TTC7A: variants seen among roughly 807,000 people sequenced by gnomAD.
TTC7A encodes tetratricopeptide repeat protein 7A.
Under a neutral mutation model 103.7 loss-of-function variants are expected in TTC7A, and 110 were observed. The ratio of observed to expected loss-of-function variants is 1.06; its 90% CI spans 0.91 to 1.24. The LOEUF (loss-of-function observed/expected upper bound fraction) is 1.24. TTC7A is among the 50% of genes most tolerant of loss of function. The pLI is 0.00. For missense variants in TTC7A, 1,340 were observed against 1,116.3 expected (o/e 1.20, Z -2.86); for synonymous variants, 521 against 467.9 (o/e 1.11, Z -1.47).
At chr2:46,988,230 G>A (rs1314944248) in intron 5 of TTC7A, among the ~76,000 whole-genome samples, 1 of 152,150 alleles carries the variant, frequency 6.6e-6, no homozygotes, top group Non-Finnish European at 1.5e-5. Flanking sequence ...AAGGAGCCCG[G>A]CACCTGGATG....
chr2:46,971,272 G>A (rs890249023), intron 3 of TTC7A, among the ~76,000 whole-genome samples: 1 of 152,254 alleles, frequency 6.6e-6, no homozygotes, highest in African/African-American at 2.4e-5. Flanking sequence ...GGTTATACCA[G>A]GGAATATCGG....
intron 19 of TTC7A, among the ~76,000 whole-genome samples, chr2:47,061,317 G>T (rs369283582): frequency 1.6e-4 from 24 of 152,286 alleles, no homozygotes; most frequent in African/African-American, 5.3e-4. Context: ...TCAGACCCTT[G>T]CCCTGAAGGC....
At chr2:47,060,650 T>A in intron 18 of TTC7A, 119 bp from the exon 19 acceptor site, 1 of 879,416 alleles carries the variant, frequency 1.1e-6, no homozygotes, top group African/African-American at 1.7e-5. Context: ...TGCTGTGATT[T>A]GGTGGGATAG....
intron 19 of TTC7A, among the ~76,000 whole-genome samples, chr2:47,062,208 A>G (rs760506451): frequency 6.6e-6 from 1 of 152,236 alleles, no homozygotes; most frequent in African/African-American, 2.4e-5. Context: ...AGAGAATGCA[A>G]CGTCATGGGG....
chr2:47,019,388 C>CA (rs2104532957), intron 11 of TTC7A, among the ~76,000 whole-genome samples: 1 of 151,890 alleles, frequency 6.6e-6, no homozygotes, highest in South Asian at 2.1e-4. Flanking sequence ...AAAAAAAACA[C>CA]ACACAAAAAG....
chr2:46,958,688 C>A (rs1377989591), intron 3 of TTC7A: 5 of 510,304 alleles, frequency 9.8e-6, no homozygotes, highest in African/African-American at 4.1e-5. Flanking sequence ...GCTGCAGTGA[C>A]CACGCCTGCT....
chr2:47,066,223 C>T (rs72875111), intron 19 of TTC7A: 1 of 152,272 alleles, frequency 6.6e-6, no homozygotes, highest in African/African-American at 2.4e-5. Context: ...TTGGTTCCCT[C>T]TTGCTGCCAG....
intron 18 of TTC7A, among the ~76,000 whole-genome samples, chr2:47,053,714 G>A (rs1683091231): frequency 6.6e-6 from 1 of 152,156 alleles, no homozygotes; most frequent in African/African-American, 2.4e-5. Flanking sequence ...TGGGACTACA[G>A]GTGTGTGCCA....
intron 18 of TTC7A, among the ~76,000 whole-genome samples, chr2:47,060,184 G>A (rs577814293): frequency 1.3e-5 from 2 of 151,800 alleles, no homozygotes; most frequent in East Asian, 3.9e-4. Context: ...CCAGGAGTTC[G>A]AGACCAGCCT....
chr2:47,030,038 C>CTT (rs34984788), intron 15 of TTC7A, among the ~76,000 whole-genome samples: 68,823 of 151,960 alleles, frequency 0.45, 16,975 homozygotes, highest in East Asian at 0.68. Context: ...TAGGGGGAGT[C>CTT]TTGATTTCTG....
At chr2:47,037,764 G>A (rs1681270037) in intron 15 of TTC7A, among the ~76,000 whole-genome samples, 1 of 152,180 alleles carries the variant, frequency 6.6e-6, no homozygotes, top group Non-Finnish European at 1.5e-5. Context: ...TACAGATGAG[G>A]AAACAGAGGC....
At chr2:46,982,181 T>A (rs567597771) in intron 5 of TTC7A, among the ~76,000 whole-genome samples, 1 of 152,230 alleles carries the variant, frequency 6.6e-6, no homozygotes, top group South Asian at 2.1e-4. Context: ...GAGGCCAGCC[T>A]GGGCAACATA....
intron 18 of TTC7A, among the ~76,000 whole-genome samples, chr2:47,053,548 TTGGTTGGTTGGTTGG>T (rs1683068802): frequency 2.1e-5 from 3 of 143,394 alleles, no homozygotes; most frequent in African/African-American, 5.8e-5. Flanking sequence ...GTTTGTTTGG[TTGGTTGGTTGGTTGG>T]TTGGTTGGTT....
At chr2:46,916,834 C>T (rs1181327032) in intron 1 of TTC7A, among the ~76,000 whole-genome samples, 1 of 151,972 alleles carries the variant, frequency 6.6e-6, no homozygotes. Context: ...GGGGTTTCAC[C>T]GTGTTGGCCA....
In TTC7A at chr2:46,999,678, G is replaced by T. The variant is rs946938955; in HGVS notation, c.1065+4479G>T. ...CAAACGTAAATTCTTGTTTTTGAAA[G>T]AACCGTGTATCAAACCAGCCTGATT... On this transcript the variant is annotated intron_variant, in intron 8 of 19. Coordinates refer to ENST00000319190, the MANE Select transcript of TTC7A (RefSeq NM_020458.4). 7.1e-6 allele frequency: 7 copies of T among 985,456 alleles called. No individual in the cohort carries two copies. The African/African-American group carries it at 1.2e-4, about 17-fold the overall frequency. 61.0% of individuals were successfully genotyped at this position (985,456 alleles called of 1,614,324 possible). A position where few individuals can be genotyped will look rare whatever the true frequency, so the allele number is the denominator to read the frequency against.
At chr2:46,952,457 A>T (rs193091703) in intron 2 of TTC7A, among the ~76,000 whole-genome samples, 1 of 152,360 alleles carries the variant, frequency 6.6e-6, no homozygotes, top group Admixed American at 6.5e-5. Flanking sequence ...AATTTGAGTG[A>T]TAAATAAAAG....
chr2:47,056,491 C>T (rs939353629), intron 18 of TTC7A, among the ~76,000 whole-genome samples: 2 of 152,190 alleles, frequency 1.3e-5, no homozygotes, highest in African/African-American at 4.8e-5. Flanking sequence ...GGCCAGCCTG[C>T]GGGCAAGGCC....
chr2:47,011,230 G>A, intron 10 of TTC7A, 101 bp from the exon 11 acceptor site: 2 of 1,101,414 alleles, frequency 1.8e-6, no homozygotes, highest in African/African-American at 1.5e-5. Context: ...AGAGCAAAGG[G>A]ATACAGAGCA....
chr2:46,922,197 G>A (rs1286440855), intron 2 of TTC7A, among the ~76,000 whole-genome samples: 3 of 152,056 alleles, frequency 2.0e-5, no homozygotes, highest in African/African-American at 2.4e-5. Context: ...TTTTAACCGT[G>A]GAGTATTTGT....
Sources: allele counts gnomAD v4.1 joint callset (sites outside exome capture counted in the v4.1 genomes callset), GRCh38; gene constraint gnomAD v4.1.1; transcripts MANE v1.5; gene names NCBI Gene and HGNC (gene_info 2026-07-23, HGNC 2026-07-21).